Variants in MYT1L observed in about 807,000 individuals in gnomAD.
MYT1L encodes myelin transcription factor 1-like protein.
In MYT1L, 12 loss-of-function variants were observed where a neutral mutation model predicts 126.7. The ratio of observed to expected loss-of-function variants is 0.09; its 90% CI spans 0.06 to 0.15. The LOEUF (loss-of-function observed/expected upper bound fraction) is 0.15, where lower values mean the gene tolerates loss of function less well. Ranked by LOEUF, MYT1L falls within the 10% of genes least tolerant of loss-of-function variation. The pLI is 1.00. For synonymous variants in MYT1L, 541 were observed against 604.2 expected (o/e 0.90, Z 1.53); for missense variants, 979 against 1,585.2 (o/e 0.62, Z 6.49).
intron 4 of MYT1L, among the ~76,000 whole-genome samples, 151 bp downstream of exon 4, chr2:2,053,827 A>T (rs1025840418): frequency 6.6e-6 from 1 of 152,246 alleles, no homozygotes; most frequent in Non-Finnish European, 1.5e-5. Context: ...TATTAAAAGC[A>T]AGAGGTGTTG....
intron 2 of MYT1L, among the ~76,000 whole-genome samples, chr2:2,265,414 C>A (rs2095102060): frequency 6.6e-6 from 1 of 151,832 alleles, no homozygotes; most frequent in Non-Finnish European, 1.5e-5. Flanking sequence ...TGGTACATAG[C>A]CTGTGTGGCA....
chr2:2,240,576 C>T (rs192151321), intron 2 of MYT1L, among the ~76,000 whole-genome samples: 3 of 152,256 alleles, frequency 2.0e-5, no homozygotes, highest in Admixed American at 6.5e-5. Context: ...AATATACGTT[C>T]TAATCCTTTG....
intron 2 of MYT1L, among the ~76,000 whole-genome samples, chr2:2,273,051 G>A (rs1341902068): frequency 1.3e-5 from 2 of 152,028 alleles, no homozygotes; most frequent in African/African-American, 2.4e-5. Flanking sequence ...TGTGCCTTCC[G>A]GGCCCCTTGC....
chr2:2,311,398 T>G (rs1263707390), intron 1 of MYT1L, among the ~76,000 whole-genome samples: 1 of 152,180 alleles, frequency 6.6e-6, no homozygotes, highest in Non-Finnish European at 1.5e-5. Flanking sequence ...ATAAACATTC[T>G]CCAGTTCTCC....
rs144480548 is a variant in MYT1L at position 1,901,486 on chromosome 2, C to T, written c.2032+1594G>A. Among the ~76,000 whole-genome samples, 960 of 152,264 alleles carry T rather than the reference C, an allele frequency of 6.3e-3. 5 individuals carry two copies. The highest frequency in any genetic ancestry group is 0.024 in the Middle Eastern group (7 of 294). On this transcript the variant is annotated intron_variant, in intron 14 of 24. Transcript: ENST00000647738. Reference sequence around the variant, plus strand: ...AACCAACAGAACTATTTCTGTTATACGCTACAGTCACTCCTTTTATCCATT... The same window carrying T: ...AACCAACAGAACTATTTCTGTTATATGCTACAGTCACTCCTTTTATCCATT...
In MYT1L at chr2:1,791,015, G is replaced by A. The variant is rs2147776728; in HGVS notation, c.*852C>T. On this transcript the variant is annotated 3_prime_UTR_variant, in exon 25 of 25. Coordinates refer to ENST00000647738, the MANE Select transcript of MYT1L (RefSeq NM_001303052.2). This position sits in a 1 kb window ranked among gnomAD's most constrained non-coding sequence, Gnocchi z 6.0. The stretch of plus-strand genomic sequence containing the variant: ...TCCAAAGTTTATTGAAAATGGAAAA[G>A]GAAATCTTCACGTTGTCCACCTCTG... The A allele has an allele frequency of 3.3e-6, 1 of 301,388 alleles. No individual in the cohort carries two copies. The highest frequency in any genetic ancestry group is 4.9e-5 in the Admixed American group (1 of 20,390). 18.7% of individuals were successfully genotyped at this position (301,388 alleles called of 1,614,324 possible).
At chr2:2,030,084 TTTTG>T (rs1411324285) in intron 4 of MYT1L, among the ~76,000 whole-genome samples, 8 of 151,978 alleles carry the variant, frequency 5.3e-5, no homozygotes, top group Admixed American at 1.3e-4. Flanking sequence ...GAGGAATTGT[TTTTG>T]TTTGTTTGTT....
chr2:1,897,623 C>T lies in MYT1L; in HGVS notation c.2033-5336G>A, dbSNP rs374392408. ...GATTACAGGCGCCCACGACCATGCC[C>T]GGCTAATTTTTGTATTTTTAGTAGA... On this transcript the variant is annotated intron_variant, in intron 14 of 24. Transcript: ENST00000647738. Among the ~76,000 whole-genome samples, 12 of 152,062 alleles carry T rather than the reference C, an allele frequency of 7.9e-5. No homozygotes were observed. In the East Asian group the frequency reaches 1.4e-3, roughly 17 times the overall value.
intron 2 of MYT1L, among the ~76,000 whole-genome samples, chr2:2,177,054 G>T (rs768326934): frequency 1.3e-5 from 2 of 152,196 alleles, no homozygotes; most frequent in African/African-American, 4.8e-5. Flanking sequence ...AGAGAGGGCC[G>T]GTAGCACTCC....
intron 3 of MYT1L, among the ~76,000 whole-genome samples, chr2:2,109,524 G>A (rs1292632378): frequency 6.6e-6 from 1 of 152,056 alleles, no homozygotes; most frequent in African/African-American, 2.4e-5. Context: ...AGGCTGCAGA[G>A]CTTGCCCTTT....
At chr2:1,998,563 A>G (rs1282273103) in intron 4 of MYT1L, among the ~76,000 whole-genome samples, 1 of 152,190 alleles carries the variant, frequency 6.6e-6, no homozygotes, top group Non-Finnish European at 1.5e-5. Context: ...GTCCATACAC[A>G]CAGTTAATAA....
intron 2 of MYT1L, among the ~76,000 whole-genome samples, chr2:2,177,807 C>T (rs1488941005): frequency 2.0e-5 from 3 of 152,160 alleles, no homozygotes; most frequent in African/African-American, 7.2e-5. Context: ...CAGGTTCCTC[C>T]CCAACCCCTG....
At chr2:1,859,520 A>C (rs2044312424) in intron 18 of MYT1L, among the ~76,000 whole-genome samples, 1 of 152,176 alleles carries the variant, frequency 6.6e-6, no homozygotes, top group Non-Finnish European at 1.5e-5. Context: ...CTTGTGGCTG[A>C]GAGTGTGCAA....
intron 3 of MYT1L, among the ~76,000 whole-genome samples, chr2:2,099,409 A>C (rs528847320): frequency 6.6e-6 from 1 of 152,076 alleles, no homozygotes; most frequent in Non-Finnish European, 1.5e-5. Flanking sequence ...GGGCTAATTC[A>C]TAAAAGTTTC....
intron 21 of MYT1L, among the ~76,000 whole-genome samples, chr2:1,830,793 G>T (rs558570966): frequency 6.8e-6 from 1 of 147,838 alleles, no homozygotes; most frequent in Non-Finnish European, 1.5e-5. Flanking sequence ...GGGAACTGTG[G>T]AGTGTGCCTT....
At chr2:1,842,866 A>AGGC (rs765629302) in intron 19 of MYT1L, 1 of 85,194 alleles carries the variant, frequency 1.2e-5, no homozygotes, top group South Asian at 3.1e-4. Context: ...TCGTCTGTCC[A>AGGC]GCTTCCGCTT....
At chr2:2,005,360 C>T (rs1168432580) in intron 4 of MYT1L, among the ~76,000 whole-genome samples, 1 of 143,608 alleles carries the variant, frequency 7.0e-6, no homozygotes, top group African/African-American at 2.6e-5. Flanking sequence ...TGCATGCGTT[C>T]TTTCCTGCAT....
At chr2:2,309,976 T>C (rs1224049540) in intron 1 of MYT1L, among the ~76,000 whole-genome samples, 4 of 151,324 alleles carry the variant, frequency 2.6e-5, no homozygotes, top group Non-Finnish European at 3.0e-5. Context: ...ACCTACACAT[T>C]GGTATACTGT....
At chr2:1,954,009 A>G (rs2058116296) in intron 8 of MYT1L, among the ~76,000 whole-genome samples, 3 of 152,198 alleles carry the variant, frequency 2.0e-5, no homozygotes, top group African/African-American at 4.8e-5. Flanking sequence ...TGGAGTGTCC[A>G]GTTTGCTACA....
Sources: allele counts gnomAD v4.1 joint callset (sites outside exome capture counted in the v4.1 genomes callset), GRCh38; gene constraint gnomAD v4.1.1; non-coding constraint Gnocchi (gnomAD v3.1); transcripts MANE v1.5; gene names NCBI Gene and HGNC (gene_info 2026-07-23, HGNC 2026-07-21).